MFSD11: variants seen among roughly 807,000 people sequenced by gnomAD.
MFSD11 encodes the protein major facilitator superfamily domain containing 11, also known as UNC93-like protein MFSD11.
MFSD11 carries 36 observed loss-of-function variants against 53.5 expected under a neutral mutation model. The observed-to-expected ratio is 0.67, with a 90% CI of 0.52 to 0.89. MFSD11 has a LOEUF of 0.89. Among genes scored for constraint, MFSD11 ranks in the 40% least tolerant of loss-of-function variants. MFSD11 has a pLI of 0.00. For missense variants in MFSD11, 530 were observed against 543.9 expected, an observed-to-expected ratio of 0.97 and a Z score of 0.25; for synonymous variants, 186 against 184.9, an observed-to-expected ratio of 1.01 and a Z score of -0.05.
chr17:76,737,305 G>C, upstream of MFSD11: 1 of 1,138,858 alleles, frequency 8.8e-7, no homozygotes, highest in Non-Finnish European at 1.2e-6. Context: ...GACGGGCTCC[G>C]CAGGCTAGCG....
At chr17:76,757,941 C>A (rs113596315) in intron 8 of MFSD11, among the ~76,000 whole-genome samples, 1 of 151,752 alleles carries the variant, frequency 6.6e-6, no homozygotes, top group African/African-American at 2.4e-5. Flanking sequence ...ACCCAAGAGG[C>A]GGAGGTTGCA....
At chr17:76,764,243 T>A (rs564227875) in intron 8 of MFSD11, among the ~76,000 whole-genome samples, 4 of 152,322 alleles carry the variant, frequency 2.6e-5, no homozygotes, top group African/African-American at 9.6e-5. Context: ...TAGTTATCTT[T>A]TTTTTGCATG....
intron 6 of MFSD11, among the ~76,000 whole-genome samples, chr17:76,743,782 A>T (rs2078306268): frequency 6.6e-6 from 1 of 151,914 alleles, no homozygotes; most frequent in Admixed American, 6.6e-5. Context: ...ACGCCCAGCT[A>T]ATTTTGTATT....
chr17:76,770,048 T>TTTC (rs989461910), intron 10 of MFSD11, among the ~76,000 whole-genome samples, 177 bp downstream of exon 10: 4 of 145,822 alleles, frequency 2.7e-5, no homozygotes, highest in African/African-American at 9.9e-5. Flanking sequence ...TTTTTTTTTT[T>TTTC]CCAGACAGAG....
At position 76,776,402 on chromosome 17, in the gene MFSD11, T is replaced by G. The variant is rs752423917; in HGVS notation, c.1050-4T>G. 13 of 1,612,348 alleles carry G rather than the reference T, an allele frequency of 8.1e-6. No homozygotes were observed. The highest frequency in any genetic ancestry group is 1.1e-5 in the Non-Finnish European group (13 of 1,179,526). ...CATACTAAATTGATTTTTATTTTCT[T>G]CAGCAAAGAAGTTGCCATTCTCTGC... On this transcript the variant is annotated splice_polypyrimidine_tract_variant and splice_region_variant and intron_variant, in intron 11 of 12. Transcript: ENST00000685175. The surrounding 1 kb of genome is among the most constrained non-coding windows in gnomAD (Gnocchi z 4.2).
At chr17:76,736,814 C>T (rs2143943612), upstream of MFSD11, 2 of 1,585,732 alleles carry the variant, frequency 1.3e-6, no homozygotes, top group Non-Finnish European at 1.7e-6. Context: ...GCTCCGGCGT[C>T]CGTAGCCACC....
At chr17:76,786,615 C>G in the MFSD11 span, among the ~76,000 whole-genome samples, 1 of 152,182 alleles carries the variant, frequency 6.6e-6, no homozygotes, top group Non-Finnish European at 1.5e-5. Context: ...AGGAGTCACA[C>G]AGAACACACT....
chr17:76,785,563 A>G (rs1204981786), downstream of MFSD11, among the ~76,000 whole-genome samples: 1 of 151,526 alleles, frequency 6.6e-6, no homozygotes, highest in African/African-American at 2.4e-5. Context: ...GGTCCTGAAC[A>G]CCTAGACTCA....
chr17:76,741,954 C>T lies in MFSD11; in HGVS notation c.261-15C>T. The T allele has an allele frequency of 1.2e-6, 2 of 1,614,068 alleles. No homozygotes were observed. Among genetic ancestry groups the T allele is most frequent in the South Asian group, 1.1e-5 (1 of 91,078 alleles). On this transcript the variant is annotated splice_polypyrimidine_tract_variant and intron_variant, in intron 3 of 12. Transcript: ENST00000685175. Reference sequence around the variant, plus strand: ...GTATCGTTTGACTGTAATACCTTGACCTGTTATATTTTAGCATGTACATTG... The same window carrying T: ...GTATCGTTTGACTGTAATACCTTGATCTGTTATATTTTAGCATGTACATTG...
At chr17:76,777,286 AAGAC>A (rs2081934155) in intron 12 of MFSD11, among the ~76,000 whole-genome samples, 1 of 151,986 alleles carries the variant, frequency 6.6e-6, no homozygotes, top group African/African-American at 2.4e-5. Flanking sequence ...AAAAAAAAAA[AAGAC>A]AGTCTCACTC....
At chr17:76,781,753 T>A (rs554149160), downstream of MFSD11, among the ~76,000 whole-genome samples, 3 of 152,316 alleles carry the variant, frequency 2.0e-5, no homozygotes, top group East Asian at 5.8e-4. Flanking sequence ...GTGTGCAGTA[T>A]GGCAGGAACC....
chr17:76,754,189 G>A, intron 8 of MFSD11, 102 bp downstream of exon 8: 1 of 890,564 alleles, frequency 1.1e-6, no homozygotes, highest in Non-Finnish European at 1.8e-6. Flanking sequence ...ACACCCCAGG[G>A]TTTGCATTTT....
chr17:76,737,077 G>A (rs757990285), upstream of MFSD11: 2 of 1,612,804 alleles, frequency 1.2e-6, no homozygotes, highest in South Asian at 1.1e-5. Context: ...GCCTCAGCGT[G>A]TCGGGCGAGG....
the MFSD11 span, among the ~76,000 whole-genome samples, chr17:76,796,620 A>G: frequency 6.6e-6 from 1 of 152,074 alleles, no homozygotes; most frequent in African/African-American, 2.4e-5. Flanking sequence ...CAAGACTACC[A>G]TTACCAGAAA....
intron 8 of MFSD11, among the ~76,000 whole-genome samples, chr17:76,754,862 T>C (rs1375994776): frequency 6.6e-6 from 1 of 152,132 alleles, no homozygotes; most frequent in African/African-American, 2.4e-5. Flanking sequence ...ACGAGTATTA[T>C]ATAATACACA....
upstream of MFSD11, chr17:76,737,356 C>A: frequency 1.5e-6 from 1 of 648,568 alleles, no homozygotes; most frequent in African/African-American, 1.8e-5. Context: ...CCTCTGCGCC[C>A]GTTTATATCG....
At chr17:76,751,958 A>G (rs551655248) in intron 7 of MFSD11, among the ~76,000 whole-genome samples, 4 of 152,300 alleles carry the variant, frequency 2.6e-5, no homozygotes, top group African/African-American at 9.6e-5. Context: ...TCAGTAGATC[A>G]TTGTGCGTCC....
chr17:76,761,331 G>C (rs1161185162), intron 8 of MFSD11, among the ~76,000 whole-genome samples: 1 of 152,168 alleles, frequency 6.6e-6, no homozygotes, highest in African/African-American at 2.4e-5. Context: ...TCACTAGTAA[G>C]ATTATCCTCA....
chr17:76,743,535 T>C, intron 6 of MFSD11, 79 bp downstream of exon 6: 1 of 877,686 alleles, frequency 1.1e-6, no homozygotes. Flanking sequence ...ATTATTGCTT[T>C]ATTCAAGCAT....
Sources: allele counts gnomAD v4.1 joint callset (sites outside exome capture counted in the v4.1 genomes callset), GRCh38; gene constraint gnomAD v4.1.1; non-coding constraint Gnocchi (gnomAD v3.1); transcripts MANE v1.5; gene names NCBI Gene and HGNC (gene_info 2026-07-23, HGNC 2026-07-21).